The following RASEF variants were observed in gnomAD, a reference collection of about 807,000 sequenced individuals.
RASEF encodes the protein ras and EF-hand domain-containing protein.
Under a neutral mutation model 90.1 loss-of-function variants are expected in RASEF, and 68 were observed. That is an observed-to-expected ratio of 0.75 (90% CI 0.62 to 0.92). RASEF has a LOEUF of 0.92. Ranked by LOEUF, RASEF falls within the 40% of genes least tolerant of loss-of-function variation. The pLI is 0.00. For synonymous variants in RASEF, 331 were observed against 345.2 expected (o/e 0.96, Z 0.46); for missense variants, 949 against 937.2 (o/e 1.01, Z -0.16).
the RASEF span, among the ~76,000 whole-genome samples, chr9:83,167,218 A>C: frequency 6.6e-6 from 1 of 152,138 alleles, no homozygotes; most frequent in African/African-American, 2.4e-5. Context: ...AAAGTAAATA[A>C]GGAATGAGTA....
chr9:83,023,593 C>T (rs867346284), intron 2 of RASEF, among the ~76,000 whole-genome samples: 53 of 152,294 alleles, frequency 3.5e-4, no homozygotes, highest in Middle Eastern at 3.4e-3. Flanking sequence ...ACATTATTAT[C>T]TTCTGTTCCT....
chr9:83,209,338 G>A, the RASEF span, among the ~76,000 whole-genome samples: 1 of 152,236 alleles, frequency 6.6e-6, no homozygotes, highest in Non-Finnish European at 1.5e-5. Context: ...AGAGCTTTAG[G>A]CCATGGGATT....
chr9:83,157,048 G>C, the RASEF span, among the ~76,000 whole-genome samples: 1 of 152,186 alleles, frequency 6.6e-6, no homozygotes, highest in African/African-American at 2.4e-5. Flanking sequence ...TACAGGAGAT[G>C]GCTAACTCTT....
the RASEF span, among the ~76,000 whole-genome samples, chr9:83,163,530 C>T: frequency 6.6e-6 from 1 of 152,102 alleles, no homozygotes; most frequent in Non-Finnish European, 1.5e-5. Context: ...GATGAAAATT[C>T]TAAGACAACC....
chr9:83,104,432 C>A, the RASEF span, among the ~76,000 whole-genome samples: 1 of 152,022 alleles, frequency 6.6e-6, no homozygotes, highest in South Asian at 2.1e-4. Context: ...AGAGAGCTTG[C>A]GAGAAACATT....
At chr9:83,124,602 A>T in the RASEF span, among the ~76,000 whole-genome samples, 19 of 152,222 alleles carry the variant, frequency 1.2e-4, no homozygotes, top group African/African-American at 4.6e-4. Flanking sequence ...TCTGGCTCAG[A>T]GAGGAGCAAC....
chr9:83,161,682 CA>C, the RASEF span, among the ~76,000 whole-genome samples: 84,402 of 150,348 alleles, frequency 0.56, 24,236 homozygotes, highest in African/African-American at 0.68. Context: ...TGGGAGGGGA[CA>C]GGGGCCAAAT....
chr9:83,146,770 G>T, the RASEF span, among the ~76,000 whole-genome samples: 1 of 151,968 alleles, frequency 6.6e-6, no homozygotes, highest in Non-Finnish European at 1.5e-5. Flanking sequence ...CTTAACTGAA[G>T]GCACAAGTAT....
At chr9:83,035,481 G>C (rs1003972847) in intron 1 of RASEF, among the ~76,000 whole-genome samples, 1 of 152,102 alleles carries the variant, frequency 6.6e-6, no homozygotes, top group African/African-American at 2.4e-5. Context: ...TCGTGCCCCA[G>C]GTCCAGATCA....
the RASEF span, among the ~76,000 whole-genome samples, chr9:83,200,214 G>A: frequency 2.2e-3 from 328 of 152,170 alleles, 1 homozygote; most frequent in African/African-American, 7.3e-3. Context: ...TGACTAACAT[G>A]GTAAAACCCC....
At chr9:83,140,013 CTG>C in the RASEF span, among the ~76,000 whole-genome samples, 1 of 152,094 alleles carries the variant, frequency 6.6e-6, no homozygotes, top group South Asian at 2.1e-4. Context: ...TTAGTACTAA[CTG>C]TAATGTAGAT....
the RASEF span, among the ~76,000 whole-genome samples, chr9:83,113,509 G>C: frequency 7.2e-5 from 11 of 152,330 alleles, no homozygotes; most frequent in Admixed American, 3.3e-4. Context: ...TGGCAGAATA[G>C]AGCCATACTT....
At chr9:83,151,260 C>A in the RASEF span, among the ~76,000 whole-genome samples, 2 of 152,076 alleles carry the variant, frequency 1.3e-5, no homozygotes, top group African/African-American at 4.8e-5. Flanking sequence ...CCTGGACAGA[C>A]CTCTCTTCCA....
the RASEF span, among the ~76,000 whole-genome samples, chr9:83,124,725 G>A: frequency 6.6e-6 from 1 of 152,114 alleles, no homozygotes; most frequent in Non-Finnish European, 1.5e-5. Flanking sequence ...CAAACTCAAT[G>A]ATTATCTTTT....
chr9:83,159,492 A>G, the RASEF span, among the ~76,000 whole-genome samples: 2 of 152,210 alleles, frequency 1.3e-5, no homozygotes, highest in Non-Finnish European at 2.9e-5. Flanking sequence ...CTTTAAAAGC[A>G]AGGGAGAACC....
intron 1 of RASEF, among the ~76,000 whole-genome samples, chr9:83,028,870 C>G (rs1187197809): frequency 6.6e-6 from 1 of 152,066 alleles, no homozygotes; most frequent in African/African-American, 2.4e-5. Flanking sequence ...AGCTCCTAAT[C>G]CAATCTTACT....
At chr9:83,175,724 G>A in the RASEF span, among the ~76,000 whole-genome samples, 1 of 152,056 alleles carries the variant, frequency 6.6e-6, no homozygotes, top group Non-Finnish European at 1.5e-5. Context: ...GGGACTACAG[G>A]CGCACACTGC....
intron 1 of RASEF, among the ~76,000 whole-genome samples, chr9:83,045,060 C>T (rs538990712): frequency 1.3e-5 from 2 of 152,282 alleles, no homozygotes; most frequent in Non-Finnish European, 1.5e-5. Context: ...CACAGTCACA[C>T]GAGTCAATTC....
At chr9:83,092,887 C>G in the RASEF span, among the ~76,000 whole-genome samples, 7 of 152,222 alleles carry the variant, frequency 4.6e-5, no homozygotes, top group South Asian at 1.5e-3. Context: ...TCCAAGGCCC[C>G]ACCAGAGTAG....
Sources: allele counts gnomAD v4.1 joint callset (sites outside exome capture counted in the v4.1 genomes callset), GRCh38; gene constraint gnomAD v4.1.1; transcripts MANE v1.5; gene names NCBI Gene and HGNC (gene_info 2026-07-23, HGNC 2026-07-21).